Variants in KCNQ1 observed in about 807,000 individuals in gnomAD.
KCNQ1 encodes potassium voltage-gated channel subfamily KQT member 1.
Under a neutral mutation model 72.4 loss-of-function variants are expected in KCNQ1, and 49 were observed. The observed-to-expected ratio is 0.68, with a 90% CI of 0.54 to 0.86. The LOEUF (loss-of-function observed/expected upper bound fraction) is 0.86. Ranked by LOEUF, KCNQ1 falls within the 40% of genes least tolerant of loss-of-function variation. The probability of loss-of-function intolerance (pLI) is 0.00; values close to 1 mark genes in which losing one functional copy is unlikely to be tolerated. For missense variants in KCNQ1, 790 were observed against 945.1 expected, an observed-to-expected ratio of 0.84 and a Z score of 2.15; for synonymous variants, 450 against 412.6, an observed-to-expected ratio of 1.09 and a Z score of -1.10.
chr11:2,614,701 T>C (rs910949591), intron 10 of KCNQ1: 1 of 398,518 alleles, frequency 2.5e-6, no homozygotes, highest in East Asian at 3.6e-5. Context: ...AGTGTTTATT[T>C]CTACATTCTC....
At chr11:2,681,969 G>A (rs1472942687) in intron 11 of KCNQ1, 1 of 398,452 alleles carries the variant, frequency 2.5e-6, no homozygotes, top group South Asian at 1.3e-4. Flanking sequence ...CTTCCTGTTT[G>A]CCAGGCAAAT....
chr11:2,839,147 C>T (rs1321966242), intron 15 of KCNQ1, among the ~76,000 whole-genome samples: 1 of 152,152 alleles, frequency 6.6e-6, no homozygotes, highest in African/African-American at 2.4e-5. Flanking sequence ...AGGCTCGAGA[C>T]CCCATCCCAG....
At chr11:2,755,836 A>G (rs906523017) in intron 11 of KCNQ1, among the ~76,000 whole-genome samples, 1 of 152,248 alleles carries the variant, frequency 6.6e-6, no homozygotes, top group African/African-American at 2.4e-5. Context: ...TGTATAACCA[A>G]TAAAATCACT....
rs1470567005 is a variant in KCNQ1 at position 2,568,145 on chromosome 11, C to T, written c.478-2483C>T. On this transcript the variant is annotated intron_variant, in intron 2 of 15. Transcript: ENST00000155840. ...AAAATTAGCCAGGCGTGGTGGCATG[C>T]GCCTGTAGTCCCAGCTACTCAGGAG... 2.0e-5 allele frequency among the ~76,000 whole-genome samples: 3 copies of T among 152,150 alleles called. No individual in the cohort carries two copies. The East Asian group carries it at 5.8e-4, about 29-fold the overall frequency.
At chr11:2,568,150 G>C (rs557306210) in intron 2 of KCNQ1, among the ~76,000 whole-genome samples, 64 of 152,144 alleles carry the variant, frequency 4.2e-4, no homozygotes, top group Non-Finnish European at 8.8e-4. Context: ...GCATGCGCCT[G>C]TAGTCCCAGC....
chr11:2,457,814 G>GA lies in KCNQ1; in HGVS notation c.386+12344dup, dbSNP rs112398913. The stretch of plus-strand genomic sequence containing the variant: ...TAAAATGGAAACTTTTGGCATGGGA[G>GA]AAAAAAAAAAAAAACAGATGTAAGT... On this transcript the variant is annotated intron_variant, in intron 1 of 15. Transcript: ENST00000155840. This position sits in a 1 kb window ranked among gnomAD's most constrained non-coding sequence, Gnocchi z 5.0. Among the ~76,000 whole-genome samples, 2,481 of 125,694 alleles carry GA rather than the reference G, an allele frequency of 0.02. 18 individuals carry two copies. The highest frequency in any genetic ancestry group is 0.029 in the Middle Eastern group (7 of 238). The allele number at this position is 125,694 out of a possible 152,430, so 82.5% of individuals were successfully genotyped here. A position where few individuals can be genotyped will look rare whatever the true frequency, so the allele number is the denominator to read the frequency against.
chr11:2,809,532 G>T lies in KCNQ1; in HGVS notation c.1794+31495G>T, dbSNP rs567887311. 6.6e-6 allele frequency among the ~76,000 whole-genome samples: 1 copy of T among 152,228 alleles called. No homozygotes were observed. Among genetic ancestry groups the T allele is most frequent in the East Asian group, 1.9e-4 (1 of 5,180 alleles). On this transcript the variant is annotated intron_variant, in intron 15 of 15. Coordinates refer to ENST00000155840, the MANE Select transcript of KCNQ1 (RefSeq NM_000218.3). The surrounding 1 kb of genome is among the most constrained non-coding windows in gnomAD (Gnocchi z 7.1). ...GTTCGTCTTGGTGCTGTGTATGAAG[G>T]TGGCAACAGACTCCCCATAGTCCTC...
intron 1 of KCNQ1, among the ~76,000 whole-genome samples, chr11:2,476,903 G>T (rs10832126): frequency 0.45 from 68,811 of 152,030 alleles, 17,585 homozygotes; most frequent in Non-Finnish European, 0.59. Flanking sequence ...TGGCCAGGCT[G>T]GTATTGAACT....
At chr11:2,831,656 T>C (rs234859) in intron 15 of KCNQ1, among the ~76,000 whole-genome samples, 39,240 of 141,706 alleles carry the variant, frequency 0.28, 5,648 homozygotes, top group African/African-American at 0.3. Flanking sequence ...CTCCTCCCCT[T>C]TCCCCTTCCC....
At chr11:2,770,973 C>T (rs894215442) in intron 12 of KCNQ1, among the ~76,000 whole-genome samples, 3 of 152,228 alleles carry the variant, frequency 2.0e-5, no homozygotes, top group Non-Finnish European at 2.9e-5. Flanking sequence ...TGTGTCAGTT[C>T]GCTGGAGAAC....
rs1849690849 is a variant in KCNQ1, at chr11:2,647,892, A to C, written c.1394-14069A>C. On this transcript the variant is annotated intron_variant, in intron 10 of 15. Coordinates refer to ENST00000155840, the MANE Select transcript of KCNQ1 (RefSeq NM_000218.3). The surrounding 1 kb of genome is among the most constrained non-coding windows in gnomAD (Gnocchi z 4.0). ...TGGGTCTTCTTGGTTAGTCTAGCTA[A>C]TGGTTTATTGATTTTCTCTTTTCAA... 7 of 398,246 alleles carry C rather than the reference A, an allele frequency of 1.8e-5. No homozygotes were observed. Among genetic ancestry groups the C allele is most frequent in the Admixed American group, 4.4e-5 (1 of 22,702 alleles). The allele number at this position is 398,246 out of a possible 1,614,324, so 24.7% of individuals were successfully genotyped here. A position where few individuals can be genotyped will look rare whatever the true frequency, so the allele number is the denominator to read the frequency against.
rs533262179 is a variant in KCNQ1 at position 2,660,097 on chromosome 11, G to A, written c.1394-1864G>A. On this transcript the variant is annotated intron_variant, in intron 10 of 15. Transcript: ENST00000155840. ...TCTTACGAGTTAAACTTTTGGTTTC[G>A]TATTTCAGAATTCACTGCCAAATCC... 14 of 393,080 alleles carry A rather than the reference G, an allele frequency of 3.6e-5. No homozygotes were observed. In the South Asian group the frequency reaches 7.8e-4, roughly 22 times the overall value. The allele number at this position is 393,080 out of a possible 1,614,324, so 24.3% of individuals were successfully genotyped here. A position where few individuals can be genotyped will look rare whatever the true frequency, so the allele number is the denominator to read the frequency against.
chr11:2,526,795 T>G lies in KCNQ1; in HGVS notation c.387-1133T>G, dbSNP rs1589930312. 6.6e-6 allele frequency among the ~76,000 whole-genome samples: 1 copy of G among 151,908 alleles called. No individual in the cohort carries two copies. The highest frequency in any genetic ancestry group is 1.9e-4 in the East Asian group (1 of 5,158). On this transcript the variant is annotated intron_variant, in intron 1 of 15. Transcript: ENST00000155840. The surrounding 1 kb of genome is among the most constrained non-coding windows in gnomAD (Gnocchi z 6.1). ...GGCCTTCTGGCTGTCCTGGGGTGGG[T>G]TAGAAGCCACTCAGGATGGCAGGAT...
rs564980124 is a variant in KCNQ1, at chr11:2,588,078, G to A, written c.1251+386G>A. Among the ~76,000 whole-genome samples, 18 of 152,230 alleles carry A rather than the reference G, an allele frequency of 1.2e-4. No individual in the cohort carries two copies. The South Asian group carries it at 3.3e-3, about 28-fold the overall frequency. On this transcript the variant is annotated intron_variant, in intron 9 of 15. Coordinates refer to ENST00000155840, the MANE Select transcript of KCNQ1 (RefSeq NM_000218.3). This position sits in a 1 kb window ranked among gnomAD's most constrained non-coding sequence, Gnocchi z 5.6. ...GGGTGGTGGGAGGGGAGCAGCAGGG[G>A]AGGGAGGTGAGGCAGGGGTGCAGCG...
At chr11:2,614,452 A>G in intron 10 of KCNQ1, 1 of 398,488 alleles carries the variant, frequency 2.5e-6, no homozygotes, top group Non-Finnish European at 4.4e-6. Context: ...CTAAGAATTT[A>G]TTTCCAATCT....
intron 10 of KCNQ1, chr11:2,649,689 C>A (rs1849728226): frequency 1.3e-5 from 5 of 398,398 alleles, no homozygotes; most frequent in Non-Finnish European, 1.8e-5. Flanking sequence ...TGTTGATTCC[C>A]TTATATGTGA....
intron 11 of KCNQ1, chr11:2,693,005 C>A (rs747753330): frequency 5.0e-6 from 2 of 398,646 alleles, no homozygotes; most frequent in Non-Finnish European, 8.8e-6. Context: ...CATAAGCAAG[C>A]ACGCTCAGTG....
In KCNQ1 at chr11:2,750,660, G is replaced by A. The variant is rs1846212983; in HGVS notation, c.1515-18184G>A. On this transcript the variant is annotated intron_variant, in intron 11 of 15. Transcript: ENST00000155840. The surrounding 1 kb of genome is among the most constrained non-coding windows in gnomAD (Gnocchi z 6.3). ...ATGTCATTCTTCTGAGACATTAGGGGTTTTCTCTCCCTTGTTTTAATCAAC... is the reference window on the plus strand; with the variant it reads ...ATGTCATTCTTCTGAGACATTAGGGATTTTCTCTCCCTTGTTTTAATCAAC... Among the ~76,000 whole-genome samples, 6 of 152,178 alleles carry A rather than the reference G, an allele frequency of 3.9e-5. No homozygotes were observed. Among genetic ancestry groups the A allele is most frequent in the Admixed American group, 3.9e-4 (6 of 15,280 alleles).
chr11:2,627,324 A>C lies in KCNQ1; in HGVS notation c.1394-34637A>C, dbSNP rs1849277390. The C allele has an allele frequency of 2.5e-6, 1 of 398,552 alleles. No homozygotes were observed. Among genetic ancestry groups the C allele is most frequent in the Non-Finnish European group, 4.4e-6 (1 of 226,038 alleles). The allele number at this position is 398,552 out of a possible 1,614,324, so 24.7% of individuals were successfully genotyped here. ...CATGTGTGTGCGTGTGTGTGGTCAG[A>C]ATACCTAAGCTATACTCTCTTAGCA... On this transcript the variant is annotated intron_variant, in intron 10 of 15. Transcript: ENST00000155840. The surrounding 1 kb of genome is among the most constrained non-coding windows in gnomAD (Gnocchi z 4.9).
Sources: allele counts gnomAD v4.1 joint callset (sites outside exome capture counted in the v4.1 genomes callset), GRCh38; gene constraint gnomAD v4.1.1; non-coding constraint Gnocchi (gnomAD v3.1); transcripts MANE v1.5; gene names NCBI Gene and HGNC (gene_info 2026-07-23, HGNC 2026-07-21).